The following AKAP13 variants were observed in gnomAD, a reference collection of about 807,000 sequenced individuals.
AKAP13 encodes the protein A-kinase anchoring protein 13, also known as A-kinase anchor protein 13.
A neutral mutation model predicts 264.5 loss-of-function variants in AKAP13; 80 were observed. That is an observed-to-expected ratio of 0.30 (90% CI 0.25 to 0.36). The LOEUF (loss-of-function observed/expected upper bound fraction) is 0.36. Ranked by LOEUF, AKAP13 falls within the 10% of genes least tolerant of loss-of-function variation. The pLI, the probability that AKAP13 is intolerant of heterozygous loss-of-function variation, is 1.00. For missense variants in AKAP13, 3,712 were observed against 3,435.2 expected (o/e 1.08, Z -2.01); for synonymous variants, 1,380 against 1,250.2 (o/e 1.10, Z -2.19).
chr15:85,597,184 A>T (rs1338927832), intron 8 of AKAP13, among the ~76,000 whole-genome samples: 1 of 152,204 alleles, frequency 6.6e-6, no homozygotes, highest in African/African-American at 2.4e-5. Context: ...TGTTCTCATT[A>T]TAGAATATTA....
chr15:85,632,717 TCA>T (rs1567165981), intron 8 of AKAP13, among the ~76,000 whole-genome samples: 2 of 152,336 alleles, frequency 1.3e-5, no homozygotes, highest in East Asian at 3.9e-4. Flanking sequence ...AATATGAAAC[TCA>T]CTTTATGTAA....
chr15:85,661,414 C>CT (rs577514366), intron 12 of AKAP13, among the ~76,000 whole-genome samples: 2 of 151,930 alleles, frequency 1.3e-5, no homozygotes, highest in Admixed American at 6.6e-5. Context: ...CATAGAATTC[C>CT]TTTTTTTTAA....
At chr15:85,487,497 T>G (rs1345294853) in intron 2 of AKAP13, among the ~76,000 whole-genome samples, 1 of 152,254 alleles carries the variant, frequency 6.6e-6, no homozygotes, top group East Asian at 1.9e-4. Context: ...GTGATCTTTC[T>G]GTGTTGAGAT....
intron 10 of AKAP13, among the ~76,000 whole-genome samples, chr15:85,649,796 C>G (rs1238294869): frequency 1.3e-5 from 2 of 151,884 alleles, no homozygotes; most frequent in African/African-American, 2.4e-5. Flanking sequence ...AAAAGAAATC[C>G]TAGGATTCTT....
At chr15:85,732,517 T>C (rs1229514349) in intron 30 of AKAP13, among the ~76,000 whole-genome samples, 1 of 150,076 alleles carries the variant, frequency 6.7e-6, no homozygotes, top group Non-Finnish European at 1.5e-5. Flanking sequence ...GAACATAAAA[T>C]GTGTATATGA....
chr15:85,617,633 TAAAAC>T (rs1220013522), intron 8 of AKAP13, among the ~76,000 whole-genome samples: 1 of 152,060 alleles, frequency 6.6e-6, no homozygotes, highest in Non-Finnish European at 1.5e-5. Context: ...TGATTCTAAT[TAAAAC>T]AGAAGGGAGT....
chr15:85,661,700 AAC>A (rs201986145), intron 12 of AKAP13, among the ~76,000 whole-genome samples: 1 of 110,118 alleles, frequency 9.1e-6, no homozygotes. Flanking sequence ...TAGCCTGGGC[AAC>A]AAGAGTGAAA....
At position 85,439,918 on chromosome 15, in the gene AKAP13, T is replaced by C. The variant is rs942933210; in HGVS notation, c.-11-45792T>C. Among the ~76,000 whole-genome samples the C allele has an allele frequency of 8.3e-4, 125 of 151,160 alleles. 6 individuals are homozygous for C. Among genetic ancestry groups the C allele is most frequent in the Non-Finnish European group, 4.9e-4 (33 of 67,806 alleles). The stretch of plus-strand genomic sequence containing the variant: ...CGCACGAGCATGGCACATGTATACA[T>C]ATGTAACTAACCTGCACAATATGCA... On this transcript the variant is annotated intron_variant, in intron 1 of 36. Coordinates refer to ENST00000394518, the MANE Select transcript of AKAP13 (RefSeq NM_007200.5).
intron 8 of AKAP13, among the ~76,000 whole-genome samples, chr15:85,608,213 T>G (rs1293312867): frequency 1.3e-5 from 2 of 152,210 alleles, no homozygotes; most frequent in Non-Finnish European, 2.9e-5. Context: ...GGGATTCATA[T>G]TTTCCTTGGG....
Position 85,708,620 on chromosome 15 carries a change from G to T in AKAP13, c.5532+534G>T, listed in dbSNP as rs1406896710. Among the ~76,000 whole-genome samples the T allele has an allele frequency of 2.0e-5, 3 of 152,150 alleles. No homozygotes were observed. The highest frequency in any genetic ancestry group is 7.2e-5 in the African/African-American group (3 of 41,430). On this transcript the variant is annotated intron_variant, in intron 18 of 36. Transcript: ENST00000394518. The surrounding 1 kb of genome is among the most constrained non-coding windows in gnomAD (Gnocchi z 4.3). ...TGTTTTATGGTGGTATCTGCCCTGA[G>T]CATGTATGCTATGTAATCATGCTTT...
intron 1 of AKAP13, among the ~76,000 whole-genome samples, chr15:85,454,540 T>C (rs2074214027): frequency 6.6e-6 from 1 of 152,126 alleles, no homozygotes; most frequent in Admixed American, 6.5e-5. Flanking sequence ...GATGTTTCAG[T>C]TGAAGGTGTT....
intron 17 of AKAP13, 144 bp from the exon 18 acceptor site, chr15:85,707,875 A>T: frequency 1.4e-6 from 1 of 692,968 alleles, no homozygotes; most frequent in Non-Finnish European, 2.5e-6. Context: ...CTAGAAGAGG[A>T]CTGCAGTGTG....
At chr15:85,396,926 A>G (rs2071145247) in intron 1 of AKAP13, among the ~76,000 whole-genome samples, 1 of 134,068 alleles carries the variant, frequency 7.5e-6, no homozygotes, top group Non-Finnish European at 1.6e-5. Context: ...TTTTTTTAAG[A>G]TAACTGTTTC....
At chr15:85,669,911 C>A in intron 14 of AKAP13, 81 bp downstream of exon 14, 2 of 1,066,596 alleles carry the variant, frequency 1.9e-6, no homozygotes, top group Non-Finnish European at 2.7e-6. Context: ...TTTAAGGCCC[C>A]ATAACATTAC....
chr15:85,705,180 A>C (rs1034611932), intron 17 of AKAP13, among the ~76,000 whole-genome samples: 2 of 152,228 alleles, frequency 1.3e-5, no homozygotes, highest in Non-Finnish European at 2.9e-5. Flanking sequence ...CATCTCAGAC[A>C]CTCAAACACT....
chr15:85,632,734 T>C (rs1010068897), intron 8 of AKAP13, among the ~76,000 whole-genome samples: 1 of 152,264 alleles, frequency 6.6e-6, no homozygotes, highest in Non-Finnish European at 1.5e-5. Flanking sequence ...ATGTAACACA[T>C]GTACCTAAAA....
At chr15:85,721,814 T>G (rs1166026013) in intron 23 of AKAP13, among the ~76,000 whole-genome samples, 177 bp from the exon 24 acceptor site, 1 of 152,272 alleles carries the variant, frequency 6.6e-6, no homozygotes, top group African/African-American at 2.4e-5. Context: ...CCATTTAAAG[T>G]TGAACCTCTT....
In AKAP13 at chr15:85,554,722, T is replaced by G. The variant is rs542478465; in HGVS notation, c.662+10767T>G. Among the ~76,000 whole-genome samples the G allele has an allele frequency of 3.9e-5, 6 of 152,302 alleles. No homozygotes were observed. The South Asian group carries it at 1.2e-3, about 32-fold the overall frequency. ...TGTCCAGACAGCTAACATTTTGAAT[T>G]CACATTCATTTAATCCTCATGACAG... On this transcript the variant is annotated intron_variant, in intron 5 of 36. Transcript: ENST00000394518.
At chr15:85,485,248 C>G (rs1240334761) in intron 1 of AKAP13, among the ~76,000 whole-genome samples, 1 of 152,176 alleles carries the variant, frequency 6.6e-6, no homozygotes, top group Non-Finnish European at 1.5e-5. Context: ...CCTCCCTTCT[C>G]AGAGAAGGGG....
Sources: allele counts gnomAD v4.1 joint callset (sites outside exome capture counted in the v4.1 genomes callset), GRCh38; gene constraint gnomAD v4.1.1; non-coding constraint Gnocchi (gnomAD v3.1); transcripts MANE v1.5; gene names NCBI Gene and HGNC (gene_info 2026-07-23, HGNC 2026-07-21).